The following KLF2 variants were observed in gnomAD, a reference collection of about 807,000 sequenced individuals.
KLF2 encodes KLF transcription factor 2, also known as Krueppel-like factor 2.
In KLF2, 9 loss-of-function variants were observed where a neutral mutation model predicts 22.2. The observed-to-expected ratio is 0.40, with a 90% CI of 0.24 to 0.71. KLF2 has a LOEUF of 0.71. Among genes scored for constraint, KLF2 ranks in the 30% least tolerant of loss-of-function variants. KLF2 has a pLI of 0.35. For missense variants in KLF2, 481 were observed against 542.1 expected, an observed-to-expected ratio of 0.89 and a Z score of 1.12; for synonymous variants, 299 against 264.2, an observed-to-expected ratio of 1.13 and a Z score of -1.28.
rs975591974 is a variant in KLF2 at position 16,325,714 on chromosome 19, T to G, written c.574T>G (p.Ser192Ala). 3.6e-5 allele frequency: 43 copies of G among 1,186,152 alleles called. No homozygotes were observed. The highest frequency in any genetic ancestry group is 6.2e-6 in the Non-Finnish European group (6 of 962,476). 73.5% of individuals were successfully genotyped at this position (1,186,152 alleles called of 1,614,324 possible). ...ARLPAPGPRA[S>A]FPPPFGGPGF... ...CCTGCCCGCGCCCGGTCCGCGCGCC[T>G]CCTTCCCGCCGCCTTTCGGTGGCCC... The change falls in exon 2 of 3, where the codon TCC (serine) becomes GCC (alanine). Residue 192 changes from serine (S) to alanine (A), a missense_variant. Ser to Ala is a moderately conservative substitution (Grantham distance 99, BLOSUM62 1). Transcript: ENST00000248071.
chr19:16,326,124 C>T lies in KLF2; in HGVS notation c.892+92C>T, dbSNP rs1048498048. ...GCGCGCCAGAAAATGAATTTAGGAC[C>T]TCCCTTGGGGCGTGGCTCAGGGGGA... is the stretch of plus-strand genomic sequence containing the variant. On this transcript the variant is annotated intron_variant, in intron 2 of 2. Coordinates refer to ENST00000248071, the MANE Select transcript of KLF2 (RefSeq NM_016270.4). The T allele has an allele frequency of 3.9e-6, 5 of 1,284,082 alleles. No homozygotes were observed. The African/African-American group carries it at 4.6e-5, about 12-fold the overall frequency. 79.5% of individuals were successfully genotyped at this position (1,284,082 alleles called of 1,614,324 possible).
At chr19:16,326,068 G>GGGACGCGGGA in intron 2 of KLF2, 36 bp downstream of exon 2, 1 of 1,522,952 alleles carries the variant, frequency 6.6e-7, no homozygotes, top group Non-Finnish European at 8.8e-7. Context: ...CGCAGGCGGG[G>GGGACGCGGGA]GGACGCGGGA....
At position 16,326,015 on chromosome 19, in the gene KLF2, A is replaced by G; in HGVS notation, c.875A>G (p.His292Arg). ...ACCAAGAGTTCGCATCTGAAGGCGC[A>G]TCTGCGCACGCACACAGGTGGGCGG... ...TYTKSSHLKA[H>R]LRTHTGEKPY... The change falls in exon 2 of 3, where the codon CAT becomes CGT. Residue 292 changes from histidine to arginine, a missense_variant. Physicochemically the swap from His to Arg is conservative, Grantham distance 29. Transcript: ENST00000248071. 1 of 1,551,890 alleles carries G rather than the reference A, an allele frequency of 6.4e-7. No individual in the cohort carries two copies. Among genetic ancestry groups the G allele is most frequent in the East Asian group, 2.5e-5 (1 of 40,710 alleles).
In KLF2 at chr19:16,325,784, C is replaced by A; in HGVS notation, c.644C>A (p.Ala215Glu). The change falls in exon 2 of 3, where the codon GCG (alanine) becomes GAG (glutamate). Residue 215 changes from alanine to glutamate, a missense_variant. Ala to Glu is a moderately radical substitution (Grantham distance 107). Transcript: ENST00000248071. Reference sequence around the variant, plus strand: ...CCCGGCCTGCATTACGCGCCGCCTGCGCCCCCAGCCTTCGGTCTCTTCGAC... The same window carrying A: ...CCCGGCCTGCATTACGCGCCGCCTGAGCCCCCAGCCTTCGGTCTCTTCGAC... The part of the protein sequence containing the change: ...PGPGLHYAPP[A>E]PPAFGLFDDA... The A allele has an allele frequency of 1.5e-6, 2 of 1,299,678 alleles. No homozygotes were observed. Among genetic ancestry groups the A allele is most frequent in the African/African-American group, 1.6e-5 (1 of 64,170 alleles). 80.5% of individuals were successfully genotyped at this position (1,299,678 alleles called of 1,614,324 possible). A position where few individuals can be genotyped will look rare whatever the true frequency, so the allele number is the denominator to read the frequency against.
Position 16,325,774 on chromosome 19 carries a change from G to T in KLF2, c.634G>T (p.Ala212Ser). The change falls in exon 2 of 3, where the codon GCG becomes TCG. Residue 212 changes from alanine (A) to serine (S), a missense_variant. Around this residue, in one of 2 missense-constraint regions of KLF2, gnomAD observed 421 missense variants for 435.1 expected, o/e 0.97. Coordinates refer to ENST00000248071, the MANE Select transcript of KLF2 (RefSeq NM_016270.4). ...FGAPGPGLHY[A>S]PPAPPAFGLF... ...CGCGCCCGGGCCCGGCCTGCATTAC[G>T]CGCCGCCTGCGCCCCCAGCCTTCGG... 1 of 1,288,776 alleles carries T rather than the reference G, an allele frequency of 7.8e-7. No individual in the cohort carries two copies. 79.8% of individuals were successfully genotyped at this position (1,288,776 alleles called of 1,614,324 possible). A position where few individuals can be genotyped will look rare whatever the true frequency, so the allele number is the denominator to read the frequency against.
Position 16,325,440 on chromosome 19 carries a change from G to A in KLF2, c.300G>A (p.Leu100=). The change falls in exon 2 of 3, where the codon CTG becomes CTA. Residue 100 remains leucine, a synonymous_variant. Coordinates refer to ENST00000248071, the MANE Select transcript of KLF2 (RefSeq NM_016270.4). ...TGTCTGAGCTGCTGCGACCCGAGCT[G>A]GATGCGCCGCTGGGGCCCGCACTGC... ...GLVSELLRPE[L]DAPLGPALHG... The A allele has an allele frequency of 1.4e-6, 2 of 1,416,800 alleles. No homozygotes were observed. The highest frequency in any genetic ancestry group is 9.1e-7 in the Non-Finnish European group (1 of 1,094,132). 87.8% of individuals were successfully genotyped at this position (1,416,800 alleles called of 1,614,324 possible).
In KLF2 at chr19:16,325,558, C is replaced by A; in HGVS notation, c.418C>A (p.Leu140Met). ...GGGGYGCAPG[L>M]TRGPRGLKRE... ...CGGCGGCTACGGCTGCGCCCCCGGG[C>A]TGACCCGTGGACCGCGCGGCCTCAA... is the stretch of plus-strand genomic sequence containing the variant. Residue 140 changes from leucine to methionine, a missense_variant, in exon 2 of 3, where the codon CTG becomes ATG. Leu to Met is a conservative substitution (Grantham distance 15, BLOSUM62 2). This residue lies in a region of KLF2 where 421 missense variants were observed against 435.1 expected (regional missense o/e 0.97). Transcript: ENST00000248071. 8.2e-7 allele frequency: 1 copy of A among 1,220,614 alleles called. No individual in the cohort carries two copies. The highest frequency in any genetic ancestry group is 4.6e-5 in the Admixed American group (1 of 21,832). The allele number at this position is 1,220,614 out of a possible 1,614,324, so 75.6% of individuals were successfully genotyped here.
At position 16,325,630 on chromosome 19, in the gene KLF2, G is replaced by A. The variant is rs2091887034; in HGVS notation, c.490G>A (p.Gly164Arg). The A allele has an allele frequency of 3.7e-6, 4 of 1,088,156 alleles. No homozygotes were observed. Among genetic ancestry groups the A allele is most frequent in the Admixed American group, 5.3e-5 (1 of 18,962 alleles). 67.4% of individuals were successfully genotyped at this position (1,088,156 alleles called of 1,614,324 possible). ...GGCGGCTTCGTGCATGCGAGGTCCC[G>A]GGGGCCGCCCCCCGCCGCCGCCCGA... is the stretch of plus-strand genomic sequence containing the variant. ...GPAASCMRGPGGRPPPPPDTP... is the reference protein window; with the variant it reads ...GPAASCMRGPRGRPPPPPDTP... Residue 164 changes from glycine (G) to arginine (R), a missense_variant, in exon 2 of 3, where the codon GGG becomes AGG. By Grantham distance (125) the Gly-to-Arg change is moderately radical. Coordinates refer to ENST00000248071, the MANE Select transcript of KLF2 (RefSeq NM_016270.4).
chr19:16,325,322 C>A lies in KLF2; in HGVS notation c.182C>A (p.Ala61Asp). The part of the protein sequence containing the change: ...MGLDGLGAEA[A>D]PEPPPPPPPP... ...CTGGATGGCCTGGGCGCCGAGGCCG[C>A]CCCGGAGCCGCCGCCGCCGCCCCCG... is the stretch of plus-strand genomic sequence containing the variant. The change falls in exon 2 of 3, where the codon GCC (alanine) becomes GAC (aspartate). Residue 61 changes from alanine (A) to aspartate (D), a missense_variant. Around this residue, in one of 2 missense-constraint regions of KLF2, gnomAD observed 421 missense variants for 435.1 expected, o/e 0.97. Coordinates refer to ENST00000248071, the MANE Select transcript of KLF2 (RefSeq NM_016270.4). The A allele has an allele frequency of 2.0e-6, 3 of 1,483,782 alleles. No homozygotes were observed. Among genetic ancestry groups the A allele is most frequent in the Non-Finnish European group, 1.8e-6 (2 of 1,123,850 alleles). 91.9% of individuals were successfully genotyped at this position (1,483,782 alleles called of 1,614,324 possible). A position where few individuals can be genotyped will look rare whatever the true frequency, so the allele number is the denominator to read the frequency against.
Position 16,325,274 on chromosome 19 carries a change from T to C in KLF2, c.134T>C (p.Leu45Pro). 1 of 1,542,148 alleles carries C rather than the reference T, an allele frequency of 6.5e-7. No homozygotes were observed. Among genetic ancestry groups the C allele is most frequent in the East Asian group, 2.6e-5 (1 of 38,804 alleles). ...ACCGACGACGACCTCAACAGCGTGCTGGACTTCATCCTGTCCATGGGGCTG... is the reference window on the plus strand; with the variant it reads ...ACCGACGACGACCTCAACAGCGTGCCGGACTTCATCCTGTCCATGGGGCTG... ...GGTDDDLNSVLDFILSMGLDG... is the reference protein window; with the variant it reads ...GGTDDDLNSVPDFILSMGLDG... The change falls in exon 2 of 3, where the codon CTG becomes CCG. Residue 45 changes from leucine (L) to proline (P), a missense_variant. Transcript: ENST00000248071.
chr19:16,326,791 G>C (rs573696138), intron 2 of KLF2, 65 bp from the exon 3 acceptor site: 3 of 1,523,946 alleles, frequency 2.0e-6, no homozygotes, highest in Middle Eastern at 1.7e-4. Context: ...TGCGCTCGCC[G>C]GGGTAGCCAT....
chr19:16,326,062 G>A (rs1428015004), intron 2 of KLF2, 30 bp downstream of exon 2: 2 of 1,528,710 alleles, frequency 1.3e-6, no homozygotes, highest in Non-Finnish European at 1.8e-6. Flanking sequence ...CAGGAGCGCA[G>A]GCGGGGGGAC....
Position 16,324,871 on chromosome 19 carries a change from G to A in KLF2, c.-53G>A. 1 of 1,478,962 alleles carries A rather than the reference G, an allele frequency of 6.8e-7. No individual in the cohort carries two copies. The highest frequency in any genetic ancestry group is 9.2e-7 in the Non-Finnish European group (1 of 1,084,272). The allele number at this position is 1,478,962 out of a possible 1,614,324, so 91.6% of individuals were successfully genotyped here. A position where few individuals can be genotyped will look rare whatever the true frequency, so the allele number is the denominator to read the frequency against. ...CCGCGCCCCGACCAGCCCGGCCTCG[G>A]GCAGCCACTCACCGGTGTCCCCGTC... On this transcript the variant is annotated 5_prime_UTR_variant, in exon 1 of 3. Transcript: ENST00000248071.
chr19:16,327,316 C>G lies in KLF2; in HGVS notation c.*285C>G. The G allele has an allele frequency of 2.7e-6, 1 of 369,160 alleles. No individual in the cohort carries two copies. 22.9% of individuals were successfully genotyped at this position (369,160 alleles called of 1,614,324 possible). ...CATCTTCTCTCCCACCGGGTCTACA[C>G]TAGAGGATCGAGGCTTGTGATGCCT... On this transcript the variant is annotated 3_prime_UTR_variant, in exon 3 of 3. Coordinates refer to ENST00000248071, the MANE Select transcript of KLF2 (RefSeq NM_016270.4).
At position 16,325,297 on chromosome 19, in the gene KLF2, C is replaced by T. The variant is rs751736338; in HGVS notation, c.157C>T (p.Leu53=). 1.1e-5 allele frequency: 16 copies of T among 1,507,500 alleles called. No individual in the cohort carries two copies. Among genetic ancestry groups the T allele is most frequent in the Non-Finnish European group, 1.4e-5 (16 of 1,133,952 alleles). The allele number at this position is 1,507,500 out of a possible 1,614,324, so 93.4% of individuals were successfully genotyped here. The change falls in exon 2 of 3, where the codon CTG becomes TTG. Residue 53 remains leucine (L), a synonymous_variant. Coordinates refer to ENST00000248071, the MANE Select transcript of KLF2 (RefSeq NM_016270.4). ...SVLDFILSMG[L]DGLGAEAAPE... is the part of the protein sequence containing the mutation. ...GCTGGACTTCATCCTGTCCATGGGG[C>T]TGGATGGCCTGGGCGCCGAGGCCGC...
At position 16,326,987 on chromosome 19, in the gene KLF2, T is replaced by TCGCGCTCCGATCACCTGG; in HGVS notation, c.1028_1045dup (p.Arg343_Ala348dup). 6.2e-7 allele frequency: 1 copy of TCGCGCTCCGATCACCTGG among 1,612,478 alleles called. No individual in the cohort carries two copies. Among genetic ancestry groups the TCGCGCTCCGATCACCTGG allele is most frequent in the Non-Finnish European group, 8.5e-7 (1 of 1,179,564 alleles). On this transcript the variant is annotated inframe_insertion, in exon 3 of 3. Coordinates refer to ENST00000248071, the MANE Select transcript of KLF2 (RefSeq NM_016270.4). ...GTGCCATCTGTGCGATCGTGCCTTC[T>TCGCGCTCCGATCACCTGG]CGCGCTCCGATCACCTGGCGCTGCA... is the stretch of plus-strand genomic sequence containing the variant.
intron 2 of KLF2, among the ~76,000 whole-genome samples, chr19:16,326,465 G>A (rs1568375656): frequency 1.3e-5 from 2 of 152,070 alleles, no homozygotes; most frequent in South Asian, 2.1e-4. Flanking sequence ...ACCCCGGGGA[G>A]ATGCTGCGTC....
rs1157428140 is a variant in KLF2 at position 16,324,836 on chromosome 19, C to CCCCG, written c.-78_-75dup. On this transcript the variant is annotated 5_prime_UTR_variant, in exon 1 of 3. Transcript: ENST00000248071. ...GCCCGGCCGCGGCCCACAGAGCCGTCCCCGCCCGCCCGCGCCCCGACCAGC... is the reference window on the plus strand; with the variant it reads ...GCCCGGCCGCGGCCCACAGAGCCGTCCCCGCCCGCCCGCCCGCGCCCCGACCAGC... 1.1e-5 allele frequency: 13 copies of CCCCG among 1,169,332 alleles called. No homozygotes were observed. Among genetic ancestry groups the CCCCG allele is most frequent in the Non-Finnish European group, 1.6e-5 (13 of 834,256 alleles). 72.4% of individuals were successfully genotyped at this position (1,169,332 alleles called of 1,614,324 possible). A position where few individuals can be genotyped will look rare whatever the true frequency, so the allele number is the denominator to read the frequency against.
At chr19:16,326,064 C>T in intron 2 of KLF2, 32 bp downstream of exon 2, 6 of 1,521,916 alleles carry the variant, frequency 3.9e-6, no homozygotes, top group Non-Finnish European at 4.4e-6. Flanking sequence ...GGAGCGCAGG[C>T]GGGGGGACGC....
Sources: allele counts gnomAD v4.1 joint callset (sites outside exome capture counted in the v4.1 genomes callset), GRCh38; gene constraint gnomAD v4.1.1; regional missense constraint gnomAD v4.1.1; transcripts MANE v1.5; gene names NCBI Gene and HGNC (gene_info 2026-07-23, HGNC 2026-07-21).